The following PRKCH variants were observed in gnomAD, a reference collection of about 807,000 sequenced individuals.
PRKCH encodes protein kinase C eta type.
In PRKCH, 28 loss-of-function variants were observed where a neutral mutation model predicts 82.5. That is an observed-to-expected ratio of 0.34 (90% CI 0.25 to 0.47). PRKCH has a LOEUF of 0.47. PRKCH is among the 20% of genes least tolerant of loss of function. The pLI is 1.00. For missense variants in PRKCH, 705 were observed against 881.8 expected (o/e 0.80, Z 2.54); for synonymous variants, 322 against 327.4 (o/e 0.98, Z 0.18).
chr14:61,419,569 A>G (rs1011439254), intron 2 of PRKCH, among the ~76,000 whole-genome samples: 2 of 152,236 alleles, frequency 1.3e-5, no homozygotes, highest in Non-Finnish European at 2.9e-5. Context: ...TTGAGAATCA[A>G]TGCAATATAA....
intron 10 of PRKCH, among the ~76,000 whole-genome samples, chr14:61,521,685 G>A (rs113220300): frequency 2.0e-5 from 3 of 151,546 alleles, no homozygotes; most frequent in African/African-American, 4.9e-5. Context: ...TTCCCGCTTC[G>A]GCCTCCCAAA....
At chr14:61,406,208 G>A (rs1245186582) in intron 2 of PRKCH, among the ~76,000 whole-genome samples, 1 of 147,884 alleles carries the variant, frequency 6.8e-6, no homozygotes, top group East Asian at 2.0e-4. Flanking sequence ...AAAAAAAAAT[G>A]TACAGGGGAG....
intron 1 of PRKCH, among the ~76,000 whole-genome samples, chr14:61,263,762 G>A (rs930448410): frequency 6.6e-6 from 1 of 151,564 alleles, no homozygotes. Context: ...ACAAACACAA[G>A]CCCATAACTT....
At chr14:61,454,918 G>C (rs182360898) in intron 7 of PRKCH, among the ~76,000 whole-genome samples, 15 of 152,272 alleles carry the variant, frequency 9.9e-5, no homozygotes, top group Non-Finnish European at 1.8e-4. Context: ...TGCTGAGGAA[G>C]GGAAGTGCAA....
At chr14:61,238,846 C>T (rs758206144) in intron 1 of PRKCH, among the ~76,000 whole-genome samples, 5 of 152,242 alleles carry the variant, frequency 3.3e-5, no homozygotes, top group South Asian at 2.1e-4. Flanking sequence ...TAAAGCTTCT[C>T]GAACTTTCTT....
chr14:61,277,958 G>A (rs986058260), intron 1 of PRKCH: 2 of 152,148 alleles, frequency 1.3e-5, no homozygotes, highest in African/African-American at 4.8e-5. Context: ...TCGTTCAAAA[G>A]AATTCAGCAA....
chr14:61,547,724 T>TTC lies in PRKCH; in HGVS notation c.1762-8_1762-7dup, dbSNP rs753144278. The TTC allele has an allele frequency of 8.1e-6, 13 of 1,606,126 alleles. No homozygotes were observed. Among genetic ancestry groups the TTC allele is most frequent in the Non-Finnish European group, 9.4e-6 (11 of 1,174,892 alleles). On this transcript the variant is annotated intron_variant, in intron 12 of 13. Transcript: ENST00000332981. ...TGTATGTGAATGAATGATTGACACTTTCTCTCTCTCTCACTCAGTTCATGA... is the reference window on the plus strand; with the variant it reads ...TGTATGTGAATGAATGATTGACACTTTCTCTCTCTCTCTCACTCAGTTCATGA...
At chr14:61,227,526 A>G (rs1049350111) in intron 1 of PRKCH, among the ~76,000 whole-genome samples, 27 of 152,286 alleles carry the variant, frequency 1.8e-4, no homozygotes, top group East Asian at 9.7e-4. Flanking sequence ...CCTGGGAGGC[A>G]GAGCTTGTAG....
chr14:61,338,591 A>G (rs2045888608), intron 1 of PRKCH, among the ~76,000 whole-genome samples: 1 of 152,184 alleles, frequency 6.6e-6, no homozygotes, highest in Non-Finnish European at 1.5e-5. Flanking sequence ...AGCACACACT[A>G]TGTCAGGAAT....
intron 13 of PRKCH, among the ~76,000 whole-genome samples, chr14:61,548,586 G>A (rs73310884): frequency 0.07 from 10,726 of 152,230 alleles, 633 homozygotes; most frequent in East Asian, 0.34. Context: ...GAGACCTGGC[G>A]TGGTGGCTCA....
intron 9 of PRKCH, among the ~76,000 whole-genome samples, chr14:61,476,709 G>A (rs1304202104): frequency 1.3e-5 from 2 of 152,170 alleles, no homozygotes; most frequent in East Asian, 1.9e-4. Context: ...GAAATGCAAA[G>A]TCCTAAGGCT....
At chr14:61,379,640 T>C (rs1260070050) in intron 1 of PRKCH, among the ~76,000 whole-genome samples, 1 of 152,236 alleles carries the variant, frequency 6.6e-6, no homozygotes, top group African/African-American at 2.4e-5. Flanking sequence ...CATTTTTCCT[T>C]TCTTGTGGGG....
At chr14:61,330,635 CA>C in intron 1 of PRKCH, among the ~76,000 whole-genome samples, 1 of 152,306 alleles carries the variant, frequency 6.6e-6, no homozygotes, top group Non-Finnish European at 1.5e-5. Context: ...TAGGTCTATT[CA>C]TTTGGCACAG....
At chr14:61,341,177 C>T (rs757937781) in intron 1 of PRKCH, among the ~76,000 whole-genome samples, 11 of 152,272 alleles carry the variant, frequency 7.2e-5, no homozygotes, top group East Asian at 3.9e-4. Context: ...GGTTCCCAAT[C>T]GGCTGGCCCT....
intron 2 of PRKCH, among the ~76,000 whole-genome samples, chr14:61,397,311 A>T (rs1490682875): frequency 6.6e-6 from 1 of 152,214 alleles, no homozygotes; most frequent in Non-Finnish European, 1.5e-5. Flanking sequence ...GAAGATGATG[A>T]ATCCAGCTTT....
At chr14:61,188,805 C>T (rs1462382528) in intron 1 of PRKCH, among the ~76,000 whole-genome samples, 4 of 151,496 alleles carry the variant, frequency 2.6e-5, no homozygotes, top group African/African-American at 9.7e-5. Flanking sequence ...ACTGCAACCT[C>T]CGCCTCCGGG....
chr14:61,188,069 T>A (rs2044376280), intron 1 of PRKCH, among the ~76,000 whole-genome samples: 1 of 152,158 alleles, frequency 6.6e-6, no homozygotes, highest in Non-Finnish European at 1.5e-5. Context: ...GAGTTTCAGG[T>A]TAATTTGTTG....
chr14:61,530,284 A>T, intron 11 of PRKCH, 123 bp from the exon 12 acceptor site: 1 of 1,069,678 alleles, frequency 9.3e-7, no homozygotes, highest in Non-Finnish European at 1.3e-6. Flanking sequence ...TACGCTTGCT[A>T]GCACAGGAGA....
At chr14:61,215,619 TAAATA>T (rs1235503249) in intron 1 of PRKCH, among the ~76,000 whole-genome samples, 1 of 152,234 alleles carries the variant, frequency 6.6e-6, no homozygotes, top group Non-Finnish European at 1.5e-5. Context: ...ATTTATTGGT[TAAATA>T]AAATATTTAT....
Sources: gnomAD v4.1 joint callset for allele counts (sites outside exome capture counted in the v4.1 genomes callset) on GRCh38, gnomAD v4.1.1 for gene constraint, MANE v1.5 for transcripts, NCBI Gene and HGNC (gene_info 2026-07-23, HGNC 2026-07-21) for gene names.